The following ANKRD40 variants were observed in gnomAD, a reference collection of about 807,000 sequenced individuals.
ANKRD40 encodes the protein ankyrin repeat domain-containing protein 40.
Under a neutral mutation model 35.5 loss-of-function variants are expected in ANKRD40, and 24 were observed. That is an observed-to-expected ratio of 0.68 (90% CI 0.49 to 0.95). The LOEUF (loss-of-function observed/expected upper bound fraction) is 0.95, where lower values mean the gene tolerates loss of function less well. ANKRD40 is among the 40% of genes least tolerant of loss of function. The pLI, the probability that ANKRD40 is intolerant of heterozygous loss-of-function variation, is 0.00. For missense variants in ANKRD40, 361 were observed against 436.0 expected (o/e 0.83, Z 1.53); for synonymous variants, 147 against 173.5 (o/e 0.85, Z 1.20).
intron 1 of ANKRD40, among the ~76,000 whole-genome samples, chr17:50,703,592 AAG>A (rs1449995546): frequency 1.3e-5 from 2 of 152,264 alleles, no homozygotes; most frequent in East Asian, 1.9e-4. Context: ...GAAAGCATTT[AAG>A]AGAGTGGGAA....
At position 50,707,478 on chromosome 17, in the gene ANKRD40, G is replaced by A. The variant is rs751630695; in HGVS notation, c.134+43C>T. ...CGCGACTGACTGCCCCACGCCTTCC[G>A]ACCGGCTGCCCTGACCCTAGGCCTC... On this transcript the variant is annotated intron_variant, in intron 1 of 4. Transcript: ENST00000285243. This position sits in a 1 kb window ranked among gnomAD's most constrained non-coding sequence, Gnocchi z 4.8. 2 of 1,583,700 alleles carry A rather than the reference G, an allele frequency of 1.3e-6. No individual in the cohort carries two copies. Among genetic ancestry groups the A allele is most frequent in the South Asian group, 1.1e-5 (1 of 89,312 alleles).
chr17:50,703,344 AT>A lies in ANKRD40; in HGVS notation c.135-2629del, dbSNP rs139491172. Among the ~76,000 whole-genome samples the A allele has an allele frequency of 4.2e-3, 642 of 152,268 alleles. 3 individuals carry two copies. The highest frequency in any genetic ancestry group is 0.015 in the African/African-American group (625 of 41,544). ...TAATACTACTGTCAACATTCCCCCC[AT>A]TTTACAGAAGAGGAAACAGACATCA... is the stretch of plus-strand genomic sequence containing the variant. On this transcript the variant is annotated intron_variant, in intron 1 of 4. Coordinates refer to ENST00000285243, the MANE Select transcript of ANKRD40 (RefSeq NM_052855.4).
At chr17:50,700,896 T>C (rs1968265241) in intron 1 of ANKRD40, 180 bp from the exon 2 acceptor site, 1 of 533,186 alleles carries the variant, frequency 1.9e-6, no homozygotes, top group Non-Finnish European at 3.2e-6. Context: ...GCTTAAATTT[T>C]GTTTTTAAAT....
In ANKRD40 at chr17:50,696,128, G is replaced by A. The variant is rs762599179; in HGVS notation, c.976C>T (p.Arg326Ter). Residue 326 changes from arginine to a stop codon, truncating the protein, a stop_gained, in exon 5 of 5, where the codon CGA becomes TGA. Coordinates refer to ENST00000285243, the MANE Select transcript of ANKRD40 (RefSeq NM_052855.4). LOFTEE classifies it high-confidence loss of function. ...TLLRKDKDVARLQDFQELELV... is the reference protein window; with the variant it reads ...TLLRKDKDVA ...TCCAGCTCCTGGAAATCTTGGAGTC[G>A]AGCAACATCCTTGTCCTAAAACAAA... The A allele has an allele frequency of 3.1e-6, 5 of 1,613,858 alleles. No homozygotes were observed. The highest frequency in any genetic ancestry group is 1.1e-5 in the South Asian group (1 of 91,052).
intron 2 of ANKRD40, 104 bp downstream of exon 2, chr17:50,700,464 A>AAT: frequency 8.6e-7 from 1 of 1,165,896 alleles, no homozygotes; most frequent in Non-Finnish European, 1.2e-6. Context: ...AAAAAAAGAA[A>AAT]GAAATAGAGC....
Position 50,693,276 on chromosome 17 carries a change from T to C in ANKRD40, c.*2721A>G, listed in dbSNP as rs1362959901. The C allele has an allele frequency of 1.3e-5, 2 of 152,194 alleles. No individual in the cohort carries two copies. The highest frequency in any genetic ancestry group is 1.3e-4 in the Admixed American group (2 of 15,286). The allele number at this position is 152,194 out of a possible 1,614,324, so 9.4% of individuals were successfully genotyped here. On this transcript the variant is annotated 3_prime_UTR_variant, in exon 5 of 5. Transcript: ENST00000285243. ...GCACAAAGAAAAAATCTTCAGTGAA[T>C]GTTTACACACAGTGTGAACACATGC... is the stretch of plus-strand genomic sequence containing the variant.
chr17:50,704,661 A>G (rs1479023833), intron 1 of ANKRD40, among the ~76,000 whole-genome samples: 1 of 152,074 alleles, frequency 6.6e-6, no homozygotes, highest in Non-Finnish European at 1.5e-5. Flanking sequence ...TGGCTCCACT[A>G]GTTACTGTCA....
chr17:50,696,475 A>G (rs1254150945), intron 4 of ANKRD40, among the ~76,000 whole-genome samples: 1 of 152,358 alleles, frequency 6.6e-6, no homozygotes, highest in Non-Finnish European at 1.5e-5. Flanking sequence ...ACATGCATCT[A>G]TGTGATTTGC....
At chr17:50,706,725 C>T (rs1256152958) in intron 1 of ANKRD40, among the ~76,000 whole-genome samples, 1 of 127,292 alleles carries the variant, frequency 7.9e-6, no homozygotes, top group Non-Finnish European at 1.6e-5. Flanking sequence ...CCATCTCTAC[C>T]AAAAATACCA....
intron 4 of ANKRD40, 66 bp from the exon 5 acceptor site, chr17:50,696,209 A>C: frequency 1.3e-6 from 2 of 1,498,186 alleles, no homozygotes; most frequent in Non-Finnish European, 1.8e-6. Context: ...GGTGCACTCT[A>C]TTGATACCAG....
chr17:50,704,889 C>T (rs1274698850), intron 1 of ANKRD40, among the ~76,000 whole-genome samples: 3 of 152,064 alleles, frequency 2.0e-5, no homozygotes, highest in Non-Finnish European at 2.9e-5. Flanking sequence ...CAGAGTCAGG[C>T]GGATCACAAG....
rs1323348064 is a variant in ANKRD40 at position 50,699,729 on chromosome 17, TG to T, written c.447del (p.Thr150HisfsTer23). On this transcript the variant is annotated frameshift_variant, in exon 3 of 5. Transcript: ENST00000285243. LOFTEE classifies it high-confidence loss of function. ...TCTGCAGGGGGTGATGCAGGGGGTG[TG>T]GAGGGGCCCCCATTCTGCATCTGGG... ...DSAQMQNGGP[S>X]TPPASPPADG... 1 of 1,612,812 alleles carries T rather than the reference TG, an allele frequency of 6.2e-7. No individual in the cohort carries two copies.
Position 50,697,261 on chromosome 17 carries a change from C to T in ANKRD40, c.779-140G>A, listed in dbSNP as rs1597866667. The T allele has an allele frequency of 4.9e-6, 4 of 816,206 alleles. No homozygotes were observed. In the East Asian group the frequency reaches 1.2e-4, roughly 24 times the overall value. The allele number at this position is 816,206 out of a possible 1,614,324, so 50.6% of individuals were successfully genotyped here. ...TTAACAGACCTGTTTGGTGGGAAAA[C>T]CAAGTGCAGCCAGCAGGGTTTGCTC... On this transcript the variant is annotated intron_variant, in intron 3 of 4. Coordinates refer to ENST00000285243, the MANE Select transcript of ANKRD40 (RefSeq NM_052855.4).
chr17:50,706,349 T>G (rs949095677), intron 1 of ANKRD40, among the ~76,000 whole-genome samples: 3 of 152,048 alleles, frequency 2.0e-5, no homozygotes, highest in Non-Finnish European at 4.4e-5. Flanking sequence ...CTTGATCTCC[T>G]GACCTCGTGA....
intron 1 of ANKRD40, among the ~76,000 whole-genome samples, chr17:50,704,082 A>G (rs1319526545): frequency 1.3e-5 from 2 of 151,990 alleles, no homozygotes; most frequent in East Asian, 1.9e-4. Context: ...GCAGGGTGCC[A>G]AGGGTTCTGG....
intron 3 of ANKRD40, among the ~76,000 whole-genome samples, chr17:50,698,856 C>A: frequency 6.6e-6 from 1 of 151,836 alleles, no homozygotes; most frequent in East Asian, 1.9e-4. Flanking sequence ...AAGAGAATAT[C>A]CAGCTGGGTG....
rs530122430 is a variant in ANKRD40, at chr17:50,695,905, C to G, written c.*92G>C. On this transcript the variant is annotated 3_prime_UTR_variant, in exon 5 of 5. Transcript: ENST00000285243. Reference sequence around the variant, plus strand: ...TATGCAGTGGCACCAGAGGCCCTCCCGGGCATCTGAGGCATTTAGATCAAT... The same window carrying G: ...TATGCAGTGGCACCAGAGGCCCTCCGGGGCATCTGAGGCATTTAGATCAAT... 4 of 1,470,910 alleles carry G rather than the reference C, an allele frequency of 2.7e-6. No individual in the cohort carries two copies. The highest frequency in any genetic ancestry group is 3.7e-6 in the Non-Finnish European group (4 of 1,076,682). 91.1% of individuals were successfully genotyped at this position (1,470,910 alleles called of 1,614,324 possible).
rs1968194743 is a variant in ANKRD40 at position 50,695,857 on chromosome 17, G to A, written c.*140C>T. On this transcript the variant is annotated 3_prime_UTR_variant, in exon 5 of 5. Transcript: ENST00000285243. ...TTGGGGGTCAGGGGCTTCCTACCTT[G>A]GCAGAATGATGTTAGTATATACTAT... is the stretch of plus-strand genomic sequence containing the variant. The A allele has an allele frequency of 4.0e-6, 4 of 996,504 alleles. No homozygotes were observed. The highest frequency in any genetic ancestry group is 1.6e-5 in the African/African-American group (1 of 61,464). 61.7% of individuals were successfully genotyped at this position (996,504 alleles called of 1,614,324 possible).
intron 1 of ANKRD40, among the ~76,000 whole-genome samples, chr17:50,704,760 G>A (rs1003935335): frequency 5.9e-5 from 9 of 152,084 alleles, no homozygotes; most frequent in African/African-American, 2.2e-4. Context: ...TAAATGGAGA[G>A]AACAGTAACT....
Sources: allele counts gnomAD v4.1 joint callset (sites outside exome capture counted in the v4.1 genomes callset), GRCh38; gene constraint gnomAD v4.1.1; non-coding constraint Gnocchi (gnomAD v3.1); transcripts MANE v1.5; gene names NCBI Gene and HGNC (gene_info 2026-07-23, HGNC 2026-07-21).